Variants in RGS12 observed in about 807,000 individuals in gnomAD.
The protein encoded by RGS12 is regulator of G-protein signaling 12.
RGS12 carries 66 observed loss-of-function variants against 120.1 expected under a neutral mutation model. That is an observed-to-expected ratio of 0.55 (90% confidence interval 0.45 to 0.67). RGS12 has a LOEUF of 0.67. Among genes scored for constraint, RGS12 ranks in the 30% least tolerant of loss-of-function variants. The pLI is 0.00. For missense variants in RGS12, 1,859 were observed against 1,957.7 expected (o/e 0.95, Z 0.95); for synonymous variants, 827 against 804.7 (o/e 1.03, Z -0.47).
At chr4:3,328,391 A>G (rs76470119) in intron 2 of RGS12, among the ~76,000 whole-genome samples, 5,810 of 152,256 alleles carry the variant, frequency 0.038, 285 homozygotes, top group African/African-American at 0.12. Context: ...ATACGTTTAA[A>G]CAAATACATT....
intron 4 of RGS12, chr4:3,413,416 G>T (rs1331609064): frequency 6.6e-6 from 1 of 152,258 alleles, no homozygotes; most frequent in Non-Finnish European, 1.5e-5. Flanking sequence ...GCCGACATGC[G>T]TGGCTGAGGG....
At chr4:3,355,340 C>G (rs1425849876) in intron 3 of RGS12, among the ~76,000 whole-genome samples, 3 of 152,128 alleles carry the variant, frequency 2.0e-5, no homozygotes, top group Non-Finnish European at 4.4e-5. Flanking sequence ...CCTTTGCCAT[C>G]AGGAACAAGA....
chr4:3,352,061 AC>A (rs1380813183), intron 3 of RGS12, among the ~76,000 whole-genome samples: 1 of 152,214 alleles, frequency 6.6e-6, no homozygotes, highest in African/African-American at 2.4e-5. Context: ...AAGTGTGTTC[AC>A]AGAAATTTTA....
chr4:3,303,676 C>T (rs1180158983), intron 1 of RGS12, among the ~76,000 whole-genome samples: 1 of 152,146 alleles, frequency 6.6e-6, no homozygotes, highest in Admixed American at 6.5e-5. Flanking sequence ...ACAGACCTGC[C>T]CCTGATGTGT....
chr4:3,364,270 G>A (rs566316592), intron 3 of RGS12, among the ~76,000 whole-genome samples: 4 of 152,124 alleles, frequency 2.6e-5, no homozygotes, highest in East Asian at 1.9e-4. Context: ...TCCTGGGCTC[G>A]TTACGTCCAT....
In RGS12 at chr4:3,390,947, A is replaced by G. The variant is rs918677790; in HGVS notation, c.2020+4510A>G. 1.3e-5 allele frequency among the ~76,000 whole-genome samples: 2 copies of G among 152,264 alleles called. No individual in the cohort carries two copies. The highest frequency in any genetic ancestry group is 3.8e-4 in the East Asian group (2 of 5,206). On this transcript the variant is annotated intron_variant, in intron 4 of 17. Transcript: ENST00000336727. This position sits in a 1 kb window ranked among gnomAD's most constrained non-coding sequence, Gnocchi z 4.6. The stretch of plus-strand genomic sequence containing the variant: ...TATTCTATACAATTTTGAAAGAGAA[A>G]GGGAAAAGCTTGAGAGTAGAACCAT...
intron 7 of RGS12, 116 bp downstream of exon 7, chr4:3,416,237 G>C: frequency 8.3e-7 from 1 of 1,211,190 alleles, no homozygotes; most frequent in Non-Finnish European, 1.1e-6. Context: ...CATCACAGAC[G>C]CAGGTAGAGA....
upstream of RGS12, among the ~76,000 whole-genome samples, chr4:3,288,371 C>T (rs908191213): frequency 3.9e-5 from 6 of 152,146 alleles, no homozygotes; most frequent in Non-Finnish European, 8.8e-5. The surrounding 1 kb of genome is among the most constrained non-coding windows in gnomAD (Gnocchi z 5.2). Flanking sequence ...CGCGCAGAGG[C>T]CTGCCGGACG....
Position 3,414,205 on chromosome 4 carries a change from C to G in RGS12, c.2154C>G (p.Arg718=). The G allele has an allele frequency of 6.5e-7, 1 of 1,549,474 alleles. No homozygotes were observed. Among genetic ancestry groups the G allele is most frequent in the East Asian group, 2.4e-5 (1 of 41,484 alleles). The change falls in exon 5 of 18, where the codon CGC becomes CGG. Residue 718 remains arginine (R), a synonymous_variant. Transcript: ENST00000336727. ...RVASWAVSFE[R]LLQDPVGVRY... is the part of the protein sequence containing the mutation. ...CCAGCTGGGCCGTGTCCTTTGAGCG[C>G]CTGCTGCAGGACCCCGTCGGTGTCC...
intron 1 of RGS12, among the ~76,000 whole-genome samples, chr4:3,309,908 G>A (rs1299065918): frequency 4.3e-5 from 6 of 139,680 alleles, no homozygotes; most frequent in South Asian, 2.5e-4. Flanking sequence ...AACCGTGCAG[G>A]GGAGGAGCTG....
intron 4 of RGS12, among the ~76,000 whole-genome samples, chr4:3,400,766 AAT>A (rs1429468171): frequency 6.7e-6 from 1 of 148,888 alleles, no homozygotes; most frequent in Non-Finnish European, 1.5e-5. Flanking sequence ...TTAGTAATAG[AAT>A]ATATATGATA....
chr4:3,397,916 A>T (rs1009789482), intron 4 of RGS12, among the ~76,000 whole-genome samples: 2 of 152,230 alleles, frequency 1.3e-5, no homozygotes, highest in Non-Finnish European at 2.9e-5. Context: ...AGGACATAGA[A>T]CAATTAAGAG....
At chr4:3,348,446 C>G (rs1407177586) in intron 3 of RGS12, among the ~76,000 whole-genome samples, 3 of 152,042 alleles carry the variant, frequency 2.0e-5, no homozygotes. Context: ...ATGGGAAGCC[C>G]GTTTGGTTTG....
intron 2 of RGS12, among the ~76,000 whole-genome samples, chr4:3,328,174 C>T (rs569997960): frequency 6.6e-6 from 1 of 151,894 alleles, no homozygotes; most frequent in Non-Finnish European, 1.5e-5. Context: ...CATTTATAAG[C>T]GGGAGCTAAA....
intron 2 of RGS12, chr4:3,342,533 G>A: frequency 7.7e-7 from 1 of 1,293,008 alleles, no homozygotes; most frequent in South Asian, 1.2e-5. Context: ...CTGAAAACCT[G>A]CCTTCATCTT....
At chr4:3,436,836 G>A (rs1480351216) in intron 17 of RGS12, among the ~76,000 whole-genome samples, 1 of 152,150 alleles carries the variant, frequency 6.6e-6, no homozygotes, top group Non-Finnish European at 1.5e-5. Flanking sequence ...CTCCTGGGAA[G>A]GCTGGACAGC....
At chr4:3,324,893 G>A (rs1216426004) in intron 2 of RGS12, 2 of 152,182 alleles carry the variant, frequency 1.3e-5, no homozygotes, top group African/African-American at 4.8e-5. Flanking sequence ...GAGCAATTTT[G>A]TATCTTAATA....
chr4:3,341,103 C>T (rs1713042016), intron 2 of RGS12, among the ~76,000 whole-genome samples: 1 of 150,276 alleles, frequency 6.7e-6, no homozygotes, highest in African/African-American at 2.5e-5. Flanking sequence ...AGCCACAGCC[C>T]CTGGGTGCTG....
At chr4:3,404,080 C>T (rs1012742493) in intron 4 of RGS12, among the ~76,000 whole-genome samples, 9 of 152,290 alleles carry the variant, frequency 5.9e-5, no homozygotes, top group East Asian at 1.9e-4. Context: ...TGGAGGGTAG[C>T]GAGATGGCAT....
Sources: allele counts gnomAD v4.1 joint callset (sites outside exome capture counted in the v4.1 genomes callset), GRCh38; gene constraint gnomAD v4.1.1; non-coding constraint Gnocchi (gnomAD v3.1); transcripts MANE v1.5; gene names NCBI Gene and HGNC (gene_info 2026-07-23, HGNC 2026-07-21).